The following PRIM2 variants were observed in gnomAD, a reference collection of about 807,000 sequenced individuals.
The protein encoded by PRIM2 is DNA primase subunit 2.
PRIM2 carries 39 observed loss-of-function variants against 67.3 expected under a neutral mutation model. The observed-to-expected ratio is 0.58, with a 90% confidence interval of 0.45 to 0.76. The LOEUF (loss-of-function observed/expected upper bound fraction) is 0.76, where lower values mean the gene tolerates loss of function less well. PRIM2 is among the 30% of genes least tolerant of loss of function. The pLI is 0.00. For missense variants in PRIM2, 398 were observed against 598.7 expected (o/e 0.66, Z 3.50); for synonymous variants, 143 against 198.7 (o/e 0.72, Z 2.36).
At chr6:57,238,644 G>A in the PRIM2 span, among the ~76,000 whole-genome samples, 2 of 152,174 alleles carry the variant, frequency 1.3e-5, no homozygotes, top group Non-Finnish European at 2.9e-5. Flanking sequence ...TAACATCACA[G>A]TTAGAAGAAC....
intron 10 of PRIM2, among the ~76,000 whole-genome samples, chr6:57,583,122 A>C (rs1382519358): frequency 6.7e-6 from 1 of 149,594 alleles, no homozygotes; most frequent in Non-Finnish European, 1.5e-5. Context: ...TGAACTCATC[A>C]TTTTTTATGG....
intron 7 of PRIM2, among the ~76,000 whole-genome samples, chr6:57,418,789 A>G (rs1279684089): frequency 6.6e-6 from 1 of 152,152 alleles, no homozygotes; most frequent in Non-Finnish European, 1.5e-5. Flanking sequence ...GACTTAGGAA[A>G]TAGCTTTCAT....
the PRIM2 span, among the ~76,000 whole-genome samples, chr6:57,243,075 A>G: frequency 2.0e-5 from 3 of 152,228 alleles, no homozygotes; most frequent in Non-Finnish European, 2.9e-5. Flanking sequence ...CTAATGTTCA[A>G]TCTGCTCTCA....
intron 7 of PRIM2, among the ~76,000 whole-genome samples, chr6:57,436,802 T>G (rs1237691385): frequency 6.6e-6 from 1 of 152,206 alleles, no homozygotes; most frequent in Non-Finnish European, 1.5e-5. Flanking sequence ...CTCATGGGTA[T>G]GTACACACTT....
the PRIM2 span, among the ~76,000 whole-genome samples, chr6:57,235,182 A>G: frequency 6.6e-6 from 1 of 151,930 alleles, no homozygotes; most frequent in Non-Finnish European, 1.5e-5. Context: ...AAAGTGAAAT[A>G]CCAGGCACGG....
chr6:57,559,514 C>T (rs1205037880), intron 10 of PRIM2, among the ~76,000 whole-genome samples: 2 of 152,200 alleles, frequency 1.3e-5, no homozygotes, highest in African/African-American at 4.8e-5. Context: ...CATCTTTCCT[C>T]ATTTTCAGCA....
At chr6:57,539,491 C>T (rs1255200101) in intron 10 of PRIM2, among the ~76,000 whole-genome samples, 1 of 151,570 alleles carries the variant, frequency 6.6e-6, no homozygotes, top group Non-Finnish European at 1.5e-5. Context: ...ATATATGTTA[C>T]TAATATAAAT....
chr6:57,523,978 C>T (rs1279977743), intron 8 of PRIM2, among the ~76,000 whole-genome samples: 1 of 151,852 alleles, frequency 6.6e-6, no homozygotes, highest in Non-Finnish European at 1.5e-5. Context: ...TCAGATTTAT[C>T]CTTTTATATA....
At chr6:57,367,440 T>C (rs1769396532) in intron 5 of PRIM2, among the ~76,000 whole-genome samples, 1 of 152,218 alleles carries the variant, frequency 6.6e-6, no homozygotes. Context: ...TTGATAAATA[T>C]TTGGGTTATT....
chr6:57,356,622 G>GGTTA (rs1431212589), intron 5 of PRIM2, among the ~76,000 whole-genome samples: 1 of 152,160 alleles, frequency 6.6e-6, no homozygotes, highest in Non-Finnish European at 1.5e-5. Context: ...AGTCTGAGGA[G>GGTTA]GTTAGGGATA....
the PRIM2 span, among the ~76,000 whole-genome samples, chr6:57,289,685 A>G: frequency 6.6e-6 from 1 of 152,322 alleles, no homozygotes; most frequent in African/African-American, 2.4e-5. Context: ...TCAACCCAGA[A>G]TTTCATATCC....
rs1167689534 is a variant in PRIM2, at chr6:57,469,386, A to T, written c.694-38001A>T. Among the ~76,000 whole-genome samples, 18 of 152,364 alleles carry T rather than the reference A, an allele frequency of 1.2e-4. No homozygotes were observed. In the East Asian group the frequency reaches 2.9e-3, roughly 24 times the overall value. Reference sequence around the variant, plus strand: ...ATAAAAACACTAGTGAATCACGTTTATGGTTTTGTAACCATTACAATGAGA... The same window carrying T: ...ATAAAAACACTAGTGAATCACGTTTTTGGTTTTGTAACCATTACAATGAGA... On this transcript the variant is annotated intron_variant, in intron 7 of 13. Coordinates refer to ENST00000615550, the MANE Select transcript of PRIM2 (RefSeq NM_000947.5).
chr6:57,620,523 T>C (rs1364976427), intron 12 of PRIM2, among the ~76,000 whole-genome samples: 1 of 152,194 alleles, frequency 6.6e-6, no homozygotes, highest in Non-Finnish European at 1.5e-5. Context: ...CTGAGAGAAT[T>C]CGCCATTACT....
chr6:57,599,783 A>G (rs1330562902), intron 10 of PRIM2, among the ~76,000 whole-genome samples: 1 of 152,246 alleles, frequency 6.6e-6, no homozygotes, highest in Non-Finnish European at 1.5e-5. Context: ...TTCTGCTTCC[A>G]TTAAATGTTT....
intron 10 of PRIM2, among the ~76,000 whole-genome samples, chr6:57,600,268 G>A (rs1776439337): frequency 6.6e-6 from 1 of 152,028 alleles, no homozygotes; most frequent in African/African-American, 2.4e-5. Context: ...CTGGGTAGGA[G>A]GCAGTTGTAG....
chr6:57,337,528 A>G (rs1478118663), intron 5 of PRIM2, among the ~76,000 whole-genome samples: 15 of 152,178 alleles, frequency 9.9e-5, no homozygotes, highest in Non-Finnish European at 1.9e-4. Flanking sequence ...CCACAGTGCA[A>G]TCAAACTAGA....
At chr6:57,252,944 G>A in the PRIM2 span, among the ~76,000 whole-genome samples, 2 of 152,276 alleles carry the variant, frequency 1.3e-5, no homozygotes, top group South Asian at 4.1e-4. Context: ...AAGGTATTGG[G>A]TTTAGTAGTT....
intron 6 of PRIM2, among the ~76,000 whole-genome samples, chr6:57,380,619 C>T (rs1180382118): frequency 6.6e-6 from 1 of 152,038 alleles, no homozygotes; most frequent in Non-Finnish European, 1.5e-5. Context: ...AACTGCAACC[C>T]CACAATTTCC....
intron 7 of PRIM2, among the ~76,000 whole-genome samples, chr6:57,424,480 A>G (rs1385480466): frequency 1.3e-5 from 2 of 152,226 alleles, no homozygotes; most frequent in Non-Finnish European, 2.9e-5. Flanking sequence ...ACAAGATAAC[A>G]TGAGTAAGTG....
Sources: gnomAD v4.1 joint callset for allele counts (sites outside exome capture counted in the v4.1 genomes callset) on GRCh38, gnomAD v4.1.1 for gene constraint, MANE v1.5 for transcripts, NCBI Gene and HGNC (gene_info 2026-07-23, HGNC 2026-07-21) for gene names.